Variants in LMNTD1 observed in about 807,000 individuals in gnomAD.
LMNTD1 encodes lamin tail domain-containing protein 1.
Under a neutral mutation model 50.9 loss-of-function variants are expected in LMNTD1, and 35 were observed. The observed-to-expected ratio is 0.69, with a 90% confidence interval of 0.53 to 0.91. The LOEUF is 0.91. Ranked by LOEUF, LMNTD1 falls within the 40% of genes least tolerant of loss-of-function variation. The probability of loss-of-function intolerance (pLI) is 0.00; values close to 1 mark genes in which losing one functional copy is unlikely to be tolerated. For synonymous variants in LMNTD1, 153 were observed against 161.9 expected, an observed-to-expected ratio of 0.94 and a Z score of 0.42; for missense variants, 470 against 475.5, an observed-to-expected ratio of 0.99 and a Z score of 0.11.
chr12:25,524,683 T>C (rs182435829), intron 6 of LMNTD1, among the ~76,000 whole-genome samples: 80 of 148,658 alleles, frequency 5.4e-4, no homozygotes, highest in Middle Eastern at 3.4e-3. Context: ...CTAAACTGGG[T>C]TTTGCTAATG....
intron 1 of LMNTD1, among the ~76,000 whole-genome samples, chr12:25,640,881 A>T (rs1056481844): frequency 6.6e-6 from 1 of 152,012 alleles, no homozygotes. Flanking sequence ...GTTAGCCAGG[A>T]TGGTCTCGAT....
At chr12:25,519,586 T>TTTAAAAAAAAAAAAAAAAA (rs781742784) in intron 7 of LMNTD1, among the ~76,000 whole-genome samples, 1 of 74,956 alleles carries the variant, frequency 1.3e-5, no homozygotes, top group Non-Finnish European at 2.3e-5. Flanking sequence ...AGACTCTGTC[T>TTTAAAAAAAAAAAAAAAAA]CAAAAAAAAA....
chr12:25,512,648 C>G (rs1453116035), intron 8 of LMNTD1, among the ~76,000 whole-genome samples: 1 of 152,088 alleles, frequency 6.6e-6, no homozygotes, highest in African/African-American at 2.4e-5. Flanking sequence ...CATCTGCTGT[C>G]AAATTCCTCT....
chr12:25,620,875 A>G (rs1426482173), intron 1 of LMNTD1, among the ~76,000 whole-genome samples: 3 of 152,156 alleles, frequency 2.0e-5, no homozygotes, highest in African/African-American at 7.2e-5. Flanking sequence ...CCATCGTTCT[A>G]TCATAATCCC....
chr12:25,588,406 T>C (rs1945604053), intron 1 of LMNTD1, among the ~76,000 whole-genome samples: 3 of 152,142 alleles, frequency 2.0e-5, no homozygotes, highest in African/African-American at 4.8e-5. Context: ...TAAAATAAGA[T>C]AGACCACAAA....
intron 1 of LMNTD1, among the ~76,000 whole-genome samples, chr12:25,647,030 G>C (rs192224864): frequency 7.9e-5 from 12 of 152,158 alleles, no homozygotes; most frequent in Admixed American, 1.3e-4. Flanking sequence ...TAGTATTCTG[G>C]GATGAAAATA....
intron 1 of LMNTD1, among the ~76,000 whole-genome samples, chr12:25,614,691 T>C (rs1427065038): frequency 6.6e-6 from 1 of 152,192 alleles, no homozygotes; most frequent in Non-Finnish European, 1.5e-5. Flanking sequence ...AGAATCAGAC[T>C]TGAAAGTGTG....
intron 3 of LMNTD1, among the ~76,000 whole-genome samples, chr12:25,546,968 T>A (rs1943473274): frequency 6.6e-6 from 1 of 151,716 alleles, no homozygotes; most frequent in East Asian, 1.9e-4. Context: ...TGGCTACCCA[T>A]AAGTTAAAGC....
intron 1 of LMNTD1, among the ~76,000 whole-genome samples, chr12:25,587,584 G>T (rs1205573162): frequency 6.6e-6 from 1 of 152,214 alleles, no homozygotes; most frequent in Non-Finnish European, 1.5e-5. Context: ...ACCGGATGGT[G>T]CTAAACCATT....
At chr12:25,613,424 A>G (rs746399053) in intron 1 of LMNTD1, among the ~76,000 whole-genome samples, 1 of 152,222 alleles carries the variant, frequency 6.6e-6, no homozygotes, top group Non-Finnish European at 1.5e-5. Context: ...TGAGGTTAAA[A>G]CAATACCTGA....
chr12:25,561,486 T>C (rs1436061999), intron 1 of LMNTD1, among the ~76,000 whole-genome samples: 1 of 152,254 alleles, frequency 6.6e-6, no homozygotes, highest in Non-Finnish European at 1.5e-5. Context: ...TCTAGTTTGA[T>C]TGCACTGTGG....
At chr12:25,632,424 T>C (rs1035322298) in intron 1 of LMNTD1, among the ~76,000 whole-genome samples, 1 of 152,014 alleles carries the variant, frequency 6.6e-6, no homozygotes, top group Non-Finnish European at 1.5e-5. Flanking sequence ...TAAAGGAAAA[T>C]TGATCAGATT....
intron 4 of LMNTD1, among the ~76,000 whole-genome samples, chr12:25,534,113 T>C (rs949457766): frequency 3.3e-5 from 5 of 152,166 alleles, no homozygotes; most frequent in African/African-American, 1.2e-4. Context: ...CCTAATAATG[T>C]CTCTACTTTG....
intron 1 of LMNTD1, among the ~76,000 whole-genome samples, chr12:25,639,287 C>A (rs1162969477): frequency 6.6e-6 from 1 of 151,928 alleles, no homozygotes. Flanking sequence ...ACTAAATGTA[C>A]AAGTGACAAA....
intron 9 of LMNTD1, among the ~76,000 whole-genome samples, chr12:25,501,033 G>A (rs1251734497): frequency 1.3e-5 from 2 of 152,170 alleles, no homozygotes; most frequent in African/African-American, 2.4e-5. Context: ...TCTGTTGCCC[G>A]GGCTGGAGTG....
At position 25,552,194 on chromosome 12, in the gene LMNTD1, G is replaced by A. The variant is rs1943787706; in HGVS notation, c.89+677C>T. The stretch of plus-strand genomic sequence containing the variant: ...ATGATTTATATTAAATGTAAAAATA[G>A]GGATTATAATTTTATATAACATTCT... On this transcript the variant is annotated intron_variant, in intron 2 of 9. Coordinates refer to ENST00000458174, the MANE Select transcript of LMNTD1 (RefSeq NM_001145728.2). 3.3e-5 allele frequency among the ~76,000 whole-genome samples: 5 copies of A among 152,066 alleles called. No individual in the cohort carries two copies. In the South Asian group the frequency reaches 8.3e-4, roughly 25 times the overall value.
At chr12:25,577,750 T>A (rs1050143781) in intron 1 of LMNTD1, among the ~76,000 whole-genome samples, 1 of 152,194 alleles carries the variant, frequency 6.6e-6, no homozygotes, top group Non-Finnish European at 1.5e-5. Flanking sequence ...GAGGGCATCC[T>A]TGTCTTGTGC....
intron 1 of LMNTD1, among the ~76,000 whole-genome samples, chr12:25,567,050 A>G (rs1944584689): frequency 6.6e-6 from 1 of 152,154 alleles, no homozygotes; most frequent in Non-Finnish European, 1.5e-5. Flanking sequence ...GGAACAGAAA[A>G]GAGAGTACTA....
At chr12:25,580,243 C>G (rs1945224860) in intron 1 of LMNTD1, among the ~76,000 whole-genome samples, 2 of 152,142 alleles carry the variant, frequency 1.3e-5, no homozygotes, top group South Asian at 4.1e-4. Context: ...CCCTCTGGCC[C>G]CTCCTTCCAT....
Sources: gnomAD v4.1 joint callset for allele counts (sites outside exome capture counted in the v4.1 genomes callset) on GRCh38, gnomAD v4.1.1 for gene constraint, MANE v1.5 for transcripts, NCBI Gene and HGNC (gene_info 2026-07-23, HGNC 2026-07-21) for gene names.